BCAP29: variants seen among roughly 807,000 people sequenced by gnomAD.
The protein encoded by BCAP29 is B-cell receptor-associated protein 29.
Under a neutral mutation model 31.8 loss-of-function variants are expected in BCAP29, and 34 were observed. The observed-to-expected ratio is 1.07, with a 90% CI of 0.81 to 1.42. The LOEUF is 1.42. BCAP29 is among the 40% of genes most tolerant of loss of function. BCAP29 has a pLI of 0.00. For missense variants in BCAP29, 314 were observed against 269.2 expected (o/e 1.17, Z -1.16); for synonymous variants, 104 against 91.3 (o/e 1.14, Z -0.79).
intron 4 of BCAP29, 134 bp from the exon 5 acceptor site, chr7:107,595,732 GA>G: frequency 1.1e-6 from 1 of 893,994 alleles, no homozygotes; most frequent in South Asian, 2.0e-5. Flanking sequence ...ATTAAAAAAA[GA>G]ATAATGGGTT....
chr7:107,608,858 C>T (rs1045852187), intron 6 of BCAP29, among the ~76,000 whole-genome samples: 6 of 152,188 alleles, frequency 3.9e-5, no homozygotes, highest in African/African-American at 1.2e-4. Context: ...GTGAATTTTT[C>T]AAATGCTTAA....
chr7:107,607,765 G>A lies in BCAP29; in HGVS notation c.590-5567G>A, dbSNP rs189945774. On this transcript the variant is annotated intron_variant, in intron 6 of 7. Transcript: ENST00000005259. The stretch of plus-strand genomic sequence containing the variant: ...TCCAGCAATTCTGCTTCAGCCTCCC[G>A]AGCAGCTGGGATTACAGGCACACAC... Among the ~76,000 whole-genome samples, 62 of 150,966 alleles carry A rather than the reference G, an allele frequency of 4.1e-4. 1 individual carries two copies. Among genetic ancestry groups the A allele is most frequent in the African/African-American group, 1.4e-3 (57 of 41,134 alleles).
chr7:107,589,410 G>T (rs1808315486), intron 3 of BCAP29, among the ~76,000 whole-genome samples: 1 of 152,212 alleles, frequency 6.6e-6, no homozygotes, highest in Non-Finnish European at 1.5e-5. Context: ...GATGGTGGCA[G>T]ATCATCAGGC....
At chr7:107,595,066 G>A (rs536514870) in intron 4 of BCAP29, among the ~76,000 whole-genome samples, 58 of 152,158 alleles carry the variant, frequency 3.8e-4, no homozygotes, top group Non-Finnish European at 7.2e-4. Flanking sequence ...TCCCATTTTA[G>A]GGTCTTTACA....
chr7:107,606,580 G>A (rs532069836), intron 6 of BCAP29, among the ~76,000 whole-genome samples: 1 of 152,282 alleles, frequency 6.6e-6, no homozygotes, highest in East Asian at 1.9e-4. Flanking sequence ...TATGTAAAAT[G>A]GGAACACAAG....
At position 107,609,025 on chromosome 7, in the gene BCAP29, A is replaced by G. The variant is rs75092790; in HGVS notation, c.590-4307A>G. 4.9e-3 allele frequency among the ~76,000 whole-genome samples: 751 copies of G among 152,332 alleles called. 11 individuals are homozygous for G. The highest frequency in any genetic ancestry group is 0.017 in the African/African-American group (707 of 41,574). ...CTAGTAAGGGCATAGTTGCCCTTCA[A>G]TTCAATACGTGGTGTGGTGAAACTT... On this transcript the variant is annotated intron_variant, in intron 6 of 7. Coordinates refer to ENST00000005259, the MANE Select transcript of BCAP29 (RefSeq NM_018844.4).
At chr7:107,609,297 T>C (rs1812711183) in intron 6 of BCAP29, among the ~76,000 whole-genome samples, 1 of 152,178 alleles carries the variant, frequency 6.6e-6, no homozygotes, top group Admixed American at 6.5e-5. Context: ...AAGGGCCTCA[T>C]ATGCCCTGTT....
chr7:107,582,762 A>T (rs1292883948), intron 2 of BCAP29, among the ~76,000 whole-genome samples: 1 of 152,178 alleles, frequency 6.6e-6, no homozygotes, highest in South Asian at 2.1e-4. Flanking sequence ...GATCTCTTAC[A>T]TTCCCTTTTA....
chr7:107,601,742 G>A (rs1344185337), intron 6 of BCAP29, among the ~76,000 whole-genome samples: 2 of 152,064 alleles, frequency 1.3e-5, no homozygotes, highest in African/African-American at 4.8e-5. Flanking sequence ...ATAAAATATT[G>A]CTACCAATTC....
intron 7 of BCAP29, among the ~76,000 whole-genome samples, chr7:107,614,414 T>C (rs1813757341): frequency 6.6e-6 from 1 of 152,202 alleles, no homozygotes; most frequent in South Asian, 2.1e-4. Context: ...ACTTCTTTCA[T>C]CTATAAAAAT....
intron 5 of BCAP29, among the ~76,000 whole-genome samples, chr7:107,597,103 A>T (rs1810001935): frequency 6.6e-6 from 1 of 152,236 alleles, no homozygotes; most frequent in Admixed American, 6.5e-5. Flanking sequence ...AGTATAACTA[A>T]TTGACCAATA....
intron 7 of BCAP29, among the ~76,000 whole-genome samples, chr7:107,617,579 C>T (rs934342633): frequency 3.9e-5 from 6 of 152,152 alleles, no homozygotes; most frequent in African/African-American, 1.4e-4. Context: ...ACTTAAGGGA[C>T]TTGTCCATAA....
intron 6 of BCAP29, among the ~76,000 whole-genome samples, chr7:107,611,456 A>T (rs1249530997): frequency 1.3e-5 from 2 of 152,158 alleles, no homozygotes; most frequent in Non-Finnish European, 2.9e-5. Flanking sequence ...TCTCAAAAAA[A>T]AATAAACACC....
chr7:107,599,827 A>T (rs962783695), intron 5 of BCAP29, among the ~76,000 whole-genome samples: 1 of 152,184 alleles, frequency 6.6e-6, no homozygotes, highest in Non-Finnish European at 1.5e-5. Flanking sequence ...GCCAGAATCA[A>T]TTTTAAAATA....
At chr7:107,620,500 C>G (rs981479195), downstream of BCAP29, 4 of 152,050 alleles carry the variant, frequency 2.6e-5, no homozygotes, top group Non-Finnish European at 4.4e-5. Context: ...TATTAAATTA[C>G]TTTCCTTCCC....
chr7:107,614,700 G>C (rs543334830), intron 7 of BCAP29, among the ~76,000 whole-genome samples: 23 of 152,262 alleles, frequency 1.5e-4, no homozygotes, highest in Admixed American at 5.2e-4. Context: ...GGTTTAACTA[G>C]CCTACTTTGA....
intron 7 of BCAP29, 94 bp downstream of exon 7, chr7:107,613,526 T>A (rs1373244791): frequency 5.3e-6 from 7 of 1,310,396 alleles, no homozygotes; most frequent in Non-Finnish European, 7.6e-6. Flanking sequence ...CTAATCAAGA[T>A]GATGTACTTA....
At chr7:107,612,437 A>ATATATTTATTTATTTATT (rs771741951) in intron 6 of BCAP29, among the ~76,000 whole-genome samples, 1 of 113,244 alleles carries the variant, frequency 8.8e-6, no homozygotes, top group African/African-American at 3.7e-5. Flanking sequence ...ATATATATAT[A>ATATATTTATTTATTTATT]TATTTATTTT....
chr7:107,580,566 A>C, intron 1 of BCAP29, 193 bp from the exon 2 acceptor site: 3 of 491,014 alleles, frequency 6.1e-6, no homozygotes, highest in Non-Finnish European at 1.1e-5. Context: ...AGTTCCCACG[A>C]CTCCCAGGGA....
Sources: allele counts gnomAD v4.1 joint callset (sites outside exome capture counted in the v4.1 genomes callset), GRCh38; gene constraint gnomAD v4.1.1; transcripts MANE v1.5; gene names NCBI Gene and HGNC (gene_info 2026-07-23, HGNC 2026-07-21).